The following EPG5 variants were observed in gnomAD, a reference collection of about 807,000 sequenced individuals.
EPG5 encodes ectopic P granules protein 5 homolog.
In EPG5, 159 loss-of-function variants were observed where a neutral mutation model predicts 302.7. The ratio of observed to expected loss-of-function variants is 0.53; its 90% CI spans 0.46 to 0.60. EPG5 has a LOEUF of 0.60. Ranked by LOEUF, EPG5 falls within the 20% of genes least tolerant of loss-of-function variation. The pLI is 0.00. For missense variants in EPG5, 2,896 were observed against 3,092.4 expected, an observed-to-expected ratio of 0.94 and a Z score of 1.51; for synonymous variants, 1,158 against 1,136.8, an observed-to-expected ratio of 1.02 and a Z score of -0.37.
In EPG5 at chr18:45,946,695, T is replaced by C. The variant is rs1179428467; in HGVS notation, c.1645A>G (p.Thr549Ala). Residue 549 changes from threonine to alanine, a missense_variant, in exon 7 of 44, where the codon ACT becomes GCT. Physicochemically the swap from Thr to Ala is moderately conservative, Grantham distance 58 (BLOSUM62 0). This residue lies in a region of EPG5 where 1,390 missense variants were observed against 1,430.0 expected (regional missense o/e 0.97). Transcript: ENST00000282041. ...KPSSSGPGSG[T>A]WTLVDEGGEE... is the part of the protein sequence containing the mutation. The stretch of plus-strand genomic sequence containing the variant: ...CCTCCTTCGTCTACTAGCGTCCAAG[T>C]CCCAGACCCAGGCCCTGAGGAGGAT... The C allele has an allele frequency of 6.2e-7, 1 of 1,614,154 alleles. No homozygotes were observed. The highest frequency in any genetic ancestry group is 8.5e-7 in the Non-Finnish European group (1 of 1,180,012).
chr18:45,863,242 C>T (rs149710430), intron 39 of EPG5, among the ~76,000 whole-genome samples: 2 of 152,258 alleles, frequency 1.3e-5, no homozygotes, highest in East Asian at 1.9e-4. Flanking sequence ...ATTAACCTAC[C>T]TTAACAATCT....
In EPG5 at chr18:45,865,691, A is replaced by G. The variant is rs764974410; in HGVS notation, c.6690T>C (p.Asn2230=). ...MVQFLSTLEQ[N]GKITLAVLEQ... is the part of the protein sequence containing the mutation. ...CTAGGACTGCTAAGGTGATTTTTCC[A>G]TTTTGTTCCAGGGTGCTGAGGAATT... Residue 2230 remains asparagine, a synonymous_variant, in exon 39 of 44, where the codon AAT becomes AAC. Coordinates refer to ENST00000282041, the MANE Select transcript of EPG5 (RefSeq NM_020964.3). 3.5e-5 allele frequency: 56 copies of G among 1,611,870 alleles called. No homozygotes were observed. The highest frequency in any genetic ancestry group is 4.7e-5 in the Non-Finnish European group (56 of 1,179,708).
chr18:45,943,862 A>G, intron 8 of EPG5, 143 bp downstream of exon 8: 2 of 564,420 alleles, frequency 3.5e-6, no homozygotes, highest in Non-Finnish European at 6.3e-6. Flanking sequence ...CAGAGCTTGC[A>G]GTGAGCCGAG....
chr18:45,935,009 T>C lies in EPG5; in HGVS notation c.2100-43A>G, dbSNP rs767613703. The C allele has an allele frequency of 5.8e-6, 9 of 1,555,718 alleles. No individual in the cohort carries two copies. In the Admixed American group the frequency reaches 1.2e-4, roughly 20 times the overall value. On this transcript the variant is annotated intron_variant, in intron 10 of 43. Coordinates refer to ENST00000282041, the MANE Select transcript of EPG5 (RefSeq NM_020964.3). ...TCATTTTATTTATTAATCAGCTTCA[T>C]TACACTAAGAAAGTAGACAAACCAT... is the stretch of plus-strand genomic sequence containing the variant.
chr18:45,859,602 G>C (rs1319122465), intron 40 of EPG5, among the ~76,000 whole-genome samples: 2 of 152,136 alleles, frequency 1.3e-5, no homozygotes, highest in Non-Finnish European at 2.9e-5. Flanking sequence ...AAGTAAAACA[G>C]ATTTTTAAAA....
chr18:45,806,107 A>G, the EPG5 span, among the ~76,000 whole-genome samples: 1 of 152,234 alleles, frequency 6.6e-6, no homozygotes, highest in East Asian at 1.9e-4. Flanking sequence ...TAAATCCACT[A>G]TACTTACTGG....
intron 31 of EPG5, 27 bp from the exon 32 acceptor site, chr18:45,880,250 T>A: frequency 6.5e-7 from 1 of 1,538,560 alleles, no homozygotes; most frequent in Non-Finnish European, 8.8e-7. Flanking sequence ...GAAGAGCAAG[T>A]CAGTGGCTTT....
Position 45,853,991 on chromosome 18 carries a change from C to T in EPG5, c.7558-1342G>A, listed in dbSNP as rs114056818. 1.6e-3 allele frequency among the ~76,000 whole-genome samples: 250 copies of T among 152,312 alleles called. 1 individual carries two copies. Among genetic ancestry groups the T allele is most frequent in the African/African-American group, 5.8e-3 (239 of 41,558 alleles). On this transcript the variant is annotated intron_variant, in intron 43 of 43. Transcript: ENST00000282041. ...TGATGACAAGTATGTATGGGACATACAGGGAGTCATCACTTTAAGTCCAAA... is the reference window on the plus strand; with the variant it reads ...TGATGACAAGTATGTATGGGACATATAGGGAGTCATCACTTTAAGTCCAAA...
At chr18:45,854,639 C>T (rs1035604201) in intron 43 of EPG5, among the ~76,000 whole-genome samples, 4 of 152,048 alleles carry the variant, frequency 2.6e-5, no homozygotes, top group African/African-American at 7.3e-5. Context: ...CTAAGAGGAA[C>T]GCTTGAAGCC....
chr18:45,943,086 T>G, intron 9 of EPG5, 75 bp downstream of exon 9: 1 of 1,407,016 alleles, frequency 7.1e-7, no homozygotes, highest in Non-Finnish European at 9.6e-7. Flanking sequence ...AAAACGTCCA[T>G]CATCCCAATT....
rs1339483494 is a variant in EPG5, at chr18:45,882,381, T to G, written c.5411A>C (p.Asp1804Ala). The change falls in exon 31 of 44, where the codon GAT (aspartate) becomes GCT (alanine). Residue 1804 changes from aspartate to alanine, a missense_variant. Coordinates refer to ENST00000282041, the MANE Select transcript of EPG5 (RefSeq NM_020964.3). ...ATTAAATGGCATCAAAATATCCTCA[T>G]CTGGTTCAAGGCCCCAGGCAGTAAG... ...LALTAWGLEP[D>A]EDILMPFNLF... The G allele has an allele frequency of 6.2e-7, 1 of 1,614,186 alleles. No individual in the cohort carries two copies. The highest frequency in any genetic ancestry group is 8.5e-7 in the Non-Finnish European group (1 of 1,180,020).
chr18:45,811,668 C>T, the EPG5 span, among the ~76,000 whole-genome samples: 2 of 152,164 alleles, frequency 1.3e-5, no homozygotes, highest in Non-Finnish European at 2.9e-5. Context: ...ACAAAAACCA[C>T]ATGATTATCT....
chr18:45,801,054 TGAGATG>T, the EPG5 span, among the ~76,000 whole-genome samples: 1 of 152,166 alleles, frequency 6.6e-6, no homozygotes, highest in African/African-American at 2.4e-5. Flanking sequence ...TCGGTTTTTT[TGAGATG>T]GAGTCTCGCT....
chr18:45,851,276 C>T lies in EPG5; in HGVS notation c.*1191G>A, dbSNP rs1763245314. On this transcript the variant is annotated 3_prime_UTR_variant, in exon 44 of 44. Transcript: ENST00000282041. ...CTATGCAGGCAAAATCCATCTAGAG[C>T]TGATAGAATGAGGAACGTGGGAACA... is the stretch of plus-strand genomic sequence containing the variant. 1 of 152,088 alleles carries T rather than the reference C, an allele frequency of 6.6e-6. No individual in the cohort carries two copies. The highest frequency in any genetic ancestry group is 1.5e-5 in the Non-Finnish European group (1 of 68,028). 9.4% of individuals were successfully genotyped at this position (152,088 alleles called of 1,614,324 possible). A position where few individuals can be genotyped will look rare whatever the true frequency, so the allele number is the denominator to read the frequency against.
intron 40 of EPG5, 151 bp from the exon 41 acceptor site, chr18:45,858,933 A>T (rs1336661619): frequency 1.5e-6 from 1 of 656,556 alleles, no homozygotes; most frequent in East Asian, 2.7e-5. Flanking sequence ...AACCTTTCTT[A>T]CAGTGACCTT....
chr18:45,858,183 C>A (rs1233612427), intron 41 of EPG5, 115 bp from the exon 42 acceptor site: 9 of 766,864 alleles, frequency 1.2e-5, no homozygotes, highest in Non-Finnish European at 1.9e-5. Flanking sequence ...TTCAAAAGCA[C>A]AGGCTAACGG....
intron 10 of EPG5, 131 bp downstream of exon 10, chr18:45,939,469 G>T: frequency 1.2e-6 from 1 of 816,882 alleles, no homozygotes; most frequent in Non-Finnish European, 1.9e-6. Context: ...CCAAGAATTT[G>T]CCCTCAATAA....
chr18:45,922,468 C>T lies in EPG5; in HGVS notation c.2971G>A (p.Val991Ile), dbSNP rs1327179728. 6.2e-7 allele frequency: 1 copy of T among 1,614,214 alleles called. No individual in the cohort carries two copies. Among genetic ancestry groups the T allele is most frequent in the South Asian group, 1.1e-5 (1 of 91,082 alleles). ...DYGIQPNCPA[V>I]PFSVTVPDMT... The stretch of plus-strand genomic sequence containing the variant: ...TCAGGCACAGTGACGGAGAAGGGAA[C>T]AGCTGGACAATTCGGCTGTATTCCA... The change falls in exon 16 of 44, where the codon GTT (valine) becomes ATT (isoleucine). Residue 991 changes from valine to isoleucine, a missense_variant. Physicochemically the swap from Val to Ile is conservative, Grantham distance 29. This residue lies in a region of EPG5 where 1,390 missense variants were observed against 1,430.0 expected (regional missense o/e 0.97). Coordinates refer to ENST00000282041, the MANE Select transcript of EPG5 (RefSeq NM_020964.3).
chr18:45,864,666 C>G (rs2048708637), intron 39 of EPG5, among the ~76,000 whole-genome samples: 1 of 152,176 alleles, frequency 6.6e-6, no homozygotes, highest in African/African-American at 2.4e-5. Flanking sequence ...TTTCTCCAAA[C>G]AGGAGCTATG....
Sources: allele counts gnomAD v4.1 joint callset (sites outside exome capture counted in the v4.1 genomes callset), GRCh38; gene constraint gnomAD v4.1.1; regional missense constraint gnomAD v4.1.1; transcripts MANE v1.5; gene names NCBI Gene and HGNC (gene_info 2026-07-23, HGNC 2026-07-21).